AMBRA1: variants seen among roughly 807,000 people sequenced by gnomAD.
AMBRA1 encodes the protein autophagy and beclin 1 regulator 1, also known as activating molecule in BECN1-regulated autophagy protein 1.
AMBRA1 carries 47 observed loss-of-function variants against 125.4 expected under a neutral mutation model. That is an observed-to-expected ratio of 0.37 (90% CI 0.30 to 0.48). AMBRA1 has a LOEUF of 0.48. AMBRA1 is among the 20% of genes least tolerant of loss of function. The pLI is 0.99. For missense variants in AMBRA1, 1,331 were observed against 1,693.4 expected (o/e 0.79, Z 3.76); for synonymous variants, 626 against 655.5 (o/e 0.95, Z 0.69).
chr11:46,593,655 T>G (rs2044687330), intron 1 of AMBRA1, among the ~76,000 whole-genome samples, 173 bp downstream of exon 1: 1 of 152,174 alleles, frequency 6.6e-6, no homozygotes, highest in Non-Finnish European at 1.5e-5. Context: ...TTTCGGCTTC[T>G]CCCTCGGTTC....
intron 1 of AMBRA1, among the ~76,000 whole-genome samples, chr11:46,579,473 T>A (rs563924689): frequency 1.3e-5 from 2 of 151,984 alleles, no homozygotes; most frequent in African/African-American, 2.4e-5. Flanking sequence ...ATAAATAAAT[T>A]AAGTAAGTAA....
At chr11:46,571,685 ATCT>A (rs2043760974) in intron 1 of AMBRA1, among the ~76,000 whole-genome samples, 1 of 131,106 alleles carries the variant, frequency 7.6e-6, no homozygotes, top group African/African-American at 3.0e-5. Context: ...CAATCAATCA[ATCT>A]TTTTTTTTTT....
chr11:46,517,729 G>A (rs1304490261), intron 7 of AMBRA1, among the ~76,000 whole-genome samples: 29 of 150,342 alleles, frequency 1.9e-4, no homozygotes, highest in Non-Finnish European at 3.7e-4. Flanking sequence ...TACTTGGGAG[G>A]CTGAGGCAGG....
chr11:46,517,418 G>A, intron 7 of AMBRA1, among the ~76,000 whole-genome samples: 1 of 146,066 alleles, frequency 6.8e-6, no homozygotes. Context: ...CAAAGTGCTA[G>A]GATTACAGGC....
chr11:46,556,741 T>G (rs547882482), intron 1 of AMBRA1, among the ~76,000 whole-genome samples: 1 of 152,324 alleles, frequency 6.6e-6, no homozygotes, highest in African/African-American at 2.4e-5. Context: ...CTATTGATAG[T>G]ATGTATATCA....
intron 17 of AMBRA1, among the ~76,000 whole-genome samples, chr11:46,401,421 A>G (rs951041806): frequency 6.6e-6 from 1 of 152,122 alleles, no homozygotes; most frequent in Non-Finnish European, 1.5e-5. Flanking sequence ...TTGTATTTTT[A>G]GTAGAGACAG....
intron 1 of AMBRA1, among the ~76,000 whole-genome samples, chr11:46,569,350 C>G (rs923068340): frequency 6.2e-5 from 9 of 146,302 alleles, no homozygotes; most frequent in Non-Finnish European, 1.3e-4. Context: ...GTTTCCTGTA[C>G]CAAAATGGGA....
intron 1 of AMBRA1, among the ~76,000 whole-genome samples, chr11:46,582,109 T>TG (rs2044195744): frequency 7.6e-6 from 1 of 131,866 alleles, no homozygotes; most frequent in Non-Finnish European, 1.6e-5. Context: ...AGACCCTGTC[T>TG]CAAAAAAAAA....
Position 46,396,832 on chromosome 11 carries a change from A to C in AMBRA1, c.*618T>G, listed in dbSNP as rs1328662016. On this transcript the variant is annotated 3_prime_UTR_variant, in exon 18 of 18. Coordinates refer to ENST00000683756, the MANE Select transcript of AMBRA1 (RefSeq NM_001387011.1). The stretch of plus-strand genomic sequence containing the variant: ...GACCTGCCCACTGTCCCTTGACCCC[A>C]TCCTGTATCAGGCAAGCAGGCGCCC... 1 of 152,562 alleles carries C rather than the reference A, an allele frequency of 6.6e-6. No individual in the cohort carries two copies. The highest frequency in any genetic ancestry group is 1.5e-5 in the Non-Finnish European group (1 of 68,130). 9.5% of individuals were successfully genotyped at this position (152,562 alleles called of 1,614,324 possible). A position where few individuals can be genotyped will look rare whatever the true frequency, so the allele number is the denominator to read the frequency against.
At position 46,508,196 on chromosome 11, in the gene AMBRA1, G is replaced by C; in HGVS notation, c.2334C>G (p.Asp778Glu). 6.2e-7 allele frequency: 1 copy of C among 1,614,060 alleles called. No homozygotes were observed. Among genetic ancestry groups the C allele is most frequent in the Non-Finnish European group, 8.5e-7 (1 of 1,179,938 alleles). ...SVEGTDLEFE[D>E]FEDNGDRSRH... ...CAAGCTGAGTATGTACTTACTCAAA[G>C]TCCTCAAATTCCAAGTCGGTTCCCT... The change falls in exon 9 of 18, where the codon GAC (aspartate) becomes GAG (glutamate). Residue 778 changes from aspartate (D) to glutamate (E), a missense_variant. By Grantham distance (45) the Asp-to-Glu change is conservative. Transcript: ENST00000683756.
At chr11:46,529,733 C>T (rs548096903) in intron 7 of AMBRA1, among the ~76,000 whole-genome samples, 12 of 151,976 alleles carry the variant, frequency 7.9e-5, no homozygotes, top group Non-Finnish European at 1.6e-4. Flanking sequence ...TCCAGATACC[C>T]GAATTGATAT....
chr11:46,531,921 C>T (rs1254767949), intron 7 of AMBRA1, among the ~76,000 whole-genome samples: 1 of 151,982 alleles, frequency 6.6e-6, no homozygotes, highest in African/African-American at 2.4e-5. Flanking sequence ...AGTTCAAGAC[C>T]GGCCTGGCCA....
intron 1 of AMBRA1, among the ~76,000 whole-genome samples, chr11:46,585,819 T>A (rs2044377772): frequency 6.9e-6 from 1 of 145,930 alleles, no homozygotes; most frequent in Non-Finnish European, 1.5e-5. Flanking sequence ...TTTTTTTTTC[T>A]TTTGAGACGG....
chr11:46,465,468 C>G (rs1479009532), intron 11 of AMBRA1, among the ~76,000 whole-genome samples: 1 of 152,084 alleles, frequency 6.6e-6, no homozygotes, highest in Non-Finnish European at 1.5e-5. Flanking sequence ...AGTGTAGGGT[C>G]TAAGTTTTTA....
chr11:46,557,513 A>G (rs1260137570), intron 1 of AMBRA1, among the ~76,000 whole-genome samples: 1 of 152,180 alleles, frequency 6.6e-6, no homozygotes, highest in Admixed American at 6.5e-5. Context: ...TTTTAAAAAC[A>G]AAAAATAAAA....
intron 1 of AMBRA1, among the ~76,000 whole-genome samples, chr11:46,553,212 G>C (rs1221167037): frequency 6.6e-6 from 1 of 151,976 alleles, no homozygotes; most frequent in African/African-American, 2.4e-5. Context: ...CAAAGTGCTG[G>C]GATTACAAGC....
At chr11:46,550,504 C>T (rs1371409891) in intron 1 of AMBRA1, among the ~76,000 whole-genome samples, 3 of 152,202 alleles carry the variant, frequency 2.0e-5, no homozygotes, top group African/African-American at 7.2e-5. Flanking sequence ...TATCCTATTA[C>T]TTCTCAACTT....
chr11:46,442,891 T>C (rs1948089100), intron 12 of AMBRA1, among the ~76,000 whole-genome samples: 1 of 152,146 alleles, frequency 6.6e-6, no homozygotes, highest in South Asian at 2.1e-4. Flanking sequence ...CTAGCTAGTT[T>C]TTGTATTTTT....
At chr11:46,521,595 C>T (rs1289966816) in intron 7 of AMBRA1, among the ~76,000 whole-genome samples, 4 of 152,266 alleles carry the variant, frequency 2.6e-5, no homozygotes, top group Non-Finnish European at 5.9e-5. Context: ...TGTTCTGAAA[C>T]GACACCTCTA....
Sources: gnomAD v4.1 joint callset for allele counts (sites outside exome capture counted in the v4.1 genomes callset) on GRCh38, gnomAD v4.1.1 for gene constraint, MANE v1.5 for transcripts, NCBI Gene and HGNC (gene_info 2026-07-23, HGNC 2026-07-21) for gene names.